Variants in COL25A1 observed in about 807,000 individuals in gnomAD.
The protein encoded by COL25A1 is collagen alpha-1(XXV) chain.
COL25A1 carries 103 observed loss-of-function variants against 128.4 expected under a neutral mutation model. That is an observed-to-expected ratio of 0.80 (90% CI 0.68 to 0.94). COL25A1 has a LOEUF of 0.94. Ranked by LOEUF, COL25A1 falls within the 40% of genes least tolerant of loss-of-function variation. The probability of loss-of-function intolerance (pLI) is 0.00; values close to 1 mark genes in which losing one functional copy is unlikely to be tolerated. For missense variants in COL25A1, 745 were observed against 840.0 expected, an observed-to-expected ratio of 0.89 and a Z score of 1.40; for synonymous variants, 279 against 277.2, an observed-to-expected ratio of 1.01 and a Z score of -0.06.
At chr4:108,818,866 T>C (rs1410541822) in intron 36 of COL25A1, among the ~76,000 whole-genome samples, 1 of 152,148 alleles carries the variant, frequency 6.6e-6, no homozygotes. Context: ...TACCTTTTTT[T>C]TTTTTTAGAG....
intron 8 of COL25A1, among the ~76,000 whole-genome samples, chr4:108,962,832 C>T (rs57307461): frequency 0.012 from 1,889 of 152,240 alleles, 31 homozygotes; most frequent in East Asian, 0.063. Flanking sequence ...ATTTTTCAAG[C>T]AAAGTTTAAC....
chr4:109,288,962 T>TATATATACACACACAC (rs1021982305), intron 3 of COL25A1, among the ~76,000 whole-genome samples: 13 of 133,604 alleles, frequency 9.7e-5, no homozygotes, highest in African/African-American at 3.6e-4. Flanking sequence ...AAATTATATA[T>TATATATACACACACAC]ACACACACAC....
chr4:108,853,959 T>C (rs1437954622), intron 24 of COL25A1: 1 of 152,166 alleles, frequency 6.6e-6, no homozygotes, highest in Non-Finnish European at 1.5e-5. Context: ...CTATTGTGAA[T>C]AGTGCTGCAA....
At chr4:109,112,503 A>G (rs1008747825) in intron 3 of COL25A1, among the ~76,000 whole-genome samples, 7 of 100,474 alleles carry the variant, frequency 7.0e-5, no homozygotes, top group Non-Finnish European at 1.9e-4. Flanking sequence ...AAAATATTAG[A>G]AAAAAAAAAC....
intron 3 of COL25A1, among the ~76,000 whole-genome samples, chr4:109,110,554 C>T (rs1247442547): frequency 2.0e-5 from 3 of 152,072 alleles, no homozygotes; most frequent in Admixed American, 6.6e-5. Context: ...CTCCTGATCT[C>T]GAGGTCAATA....
chr4:109,165,548 T>G lies in COL25A1; in HGVS notation c.368-115369A>C, dbSNP rs545839645. Among the ~76,000 whole-genome samples the G allele has an allele frequency of 1.1e-3, 165 of 152,208 alleles. 1 individual carries two copies. The highest frequency in any genetic ancestry group is 3.9e-3 in the African/African-American group (160 of 41,534). On this transcript the variant is annotated intron_variant, in intron 3 of 37. Coordinates refer to ENST00000399132, the MANE Select transcript of COL25A1 (RefSeq NM_198721.4). ...CTGGGCAACATACTGAGACCCAGTC[T>G]CTACAAGAAATTTTAAAAGTTAGCT...
chr4:109,116,879 G>A (rs1367462782), intron 3 of COL25A1, among the ~76,000 whole-genome samples: 1 of 151,990 alleles, frequency 6.6e-6, no homozygotes, highest in Admixed American at 6.6e-5. Flanking sequence ...TGCCTTGATG[G>A]ACTCAGTAGC....
At chr4:108,881,649 A>T (rs1740139096) in intron 19 of COL25A1, among the ~76,000 whole-genome samples, 1 of 151,444 alleles carries the variant, frequency 6.6e-6, no homozygotes, top group South Asian at 2.1e-4. Context: ...ATGTAAATTA[A>T]AGGAAAAAAG....
intron 31 of COL25A1, among the ~76,000 whole-genome samples, chr4:108,840,242 CAAAAAA>C (rs34039825): frequency 1.0e-5 from 1 of 95,376 alleles, no homozygotes. Flanking sequence ...AACGCCATCT[CAAAAAA>C]AAAAAAAAAA....
intron 3 of COL25A1, among the ~76,000 whole-genome samples, chr4:109,054,108 C>T (rs1473433179): frequency 6.6e-6 from 1 of 152,168 alleles, no homozygotes. Context: ...AACATTAGCT[C>T]CCACTTTTAC....
intron 16 of COL25A1, among the ~76,000 whole-genome samples, chr4:108,895,938 C>CTTTTTTTTTT (rs35506597): frequency 1.4e-5 from 1 of 70,824 alleles, no homozygotes; most frequent in Non-Finnish European, 2.5e-5. Context: ...TATAATCAAA[C>CTTTTTTTTTT]TTTTTTTTTT....
intron 13 of COL25A1, among the ~76,000 whole-genome samples, chr4:108,909,448 T>C (rs908610147): frequency 3.9e-5 from 6 of 152,238 alleles, no homozygotes; most frequent in Admixed American, 3.3e-4. Flanking sequence ...GACCAAACCT[T>C]CCTTATGCTT....
At position 108,854,858 on chromosome 4, in the gene COL25A1, C is replaced by T. The variant is rs181029996; in HGVS notation, c.1321-1933G>A. 4.6e-5 allele frequency among the ~76,000 whole-genome samples: 7 copies of T among 152,238 alleles called. No homozygotes were observed. The East Asian group carries it at 1.4e-3, about 29-fold the overall frequency. ...ACCATTTGACCCAGCAATCCTATTA[C>T]TGGGTATATACTGAAAGAATTAATC... On this transcript the variant is annotated intron_variant, in intron 24 of 37. Coordinates refer to ENST00000399132, the MANE Select transcript of COL25A1 (RefSeq NM_198721.4).
rs1206565508 is a variant in COL25A1 at position 109,302,234 on chromosome 4, C to T, written c.-122G>A. 1 of 596,656 alleles carries T rather than the reference C, an allele frequency of 1.7e-6. No homozygotes were observed. The highest frequency in any genetic ancestry group is 1.9e-5 in the African/African-American group (1 of 53,548). The allele number at this position is 596,656 out of a possible 1,614,324, so 37.0% of individuals were successfully genotyped here. On this transcript the variant is annotated 5_prime_UTR_variant, in exon 1 of 38. Coordinates refer to ENST00000399132, the MANE Select transcript of COL25A1 (RefSeq NM_198721.4). ...TCCCCGCTTTCTTCTCTCCTCCCAGCTGGAAGTGAAAAGCACCCTCCGTCC... is the reference window on the plus strand; with the variant it reads ...TCCCCGCTTTCTTCTCTCCTCCCAGTTGGAAGTGAAAAGCACCCTCCGTCC...
At chr4:109,285,426 C>T (rs1421180836) in intron 3 of COL25A1, among the ~76,000 whole-genome samples, 1 of 152,136 alleles carries the variant, frequency 6.6e-6, no homozygotes, top group Non-Finnish European at 1.5e-5. Flanking sequence ...CAGAATGTCA[C>T]CAAGGGAATT....
At chr4:108,906,442 C>A (rs1208062814) in intron 13 of COL25A1, among the ~76,000 whole-genome samples, 2 of 152,198 alleles carry the variant, frequency 1.3e-5, no homozygotes, top group African/African-American at 4.8e-5. Context: ...CACACCACCA[C>A]TCCCTATAAA....
At chr4:108,854,527 C>G (rs927774625) in intron 24 of COL25A1, among the ~76,000 whole-genome samples, 1 of 151,860 alleles carries the variant, frequency 6.6e-6, no homozygotes, top group Admixed American at 6.6e-5. Context: ...GAAAAAAAAC[C>G]AATCCCATTG....
At chr4:109,127,577 CT>C (rs1306694741) in intron 3 of COL25A1, among the ~76,000 whole-genome samples, 1 of 152,084 alleles carries the variant, frequency 6.6e-6, no homozygotes, top group East Asian at 1.9e-4. Context: ...ATCTTCCCAC[CT>C]TAGCTTCCCA....
chr4:108,934,394 T>G (rs963858493), intron 11 of COL25A1, among the ~76,000 whole-genome samples: 12 of 151,972 alleles, frequency 7.9e-5, no homozygotes, highest in African/African-American at 2.7e-4. Context: ...AAATGATGAG[T>G]TGATGGGTGC....
Sources: allele counts gnomAD v4.1 joint callset (sites outside exome capture counted in the v4.1 genomes callset), GRCh38; gene constraint gnomAD v4.1.1; transcripts MANE v1.5; gene names NCBI Gene and HGNC (gene_info 2026-07-23, HGNC 2026-07-21).